The following BRCA2 variants were observed in gnomAD, a reference collection of about 807,000 sequenced individuals.
BRCA2 encodes BRCA2 DNA repair associated, also known as breast cancer type 2 susceptibility protein.
In BRCA2, 203 loss-of-function variants were observed where a neutral mutation model predicts 276.7. The ratio of observed to expected loss-of-function variants is 0.73; its 90% CI spans 0.65 to 0.82. BRCA2 has a LOEUF of 0.82. BRCA2 is among the 40% of genes least tolerant of loss of function. The pLI is 0.00. For missense variants in BRCA2, 3,920 were observed against 3,915.0 expected (o/e 1.00, Z -0.03); for synonymous variants, 1,289 against 1,338.4 (o/e 0.96, Z 0.81).
At chr13:32,363,094 A>C (rs2072752234) in intron 17 of BRCA2, 85 bp from the exon 18 acceptor site, 4 of 1,147,392 alleles carry the variant, frequency 3.5e-6, no homozygotes, top group Non-Finnish European at 1.3e-6. Flanking sequence ...TTCAGTTTTT[A>C]TTCTCAGTTA....
intron 24 of BRCA2, among the ~76,000 whole-genome samples, 176 bp from the exon 25 acceptor site, chr13:32,394,513 T>C (rs1373210406): frequency 6.6e-6 from 1 of 152,258 alleles, no homozygotes; most frequent in Non-Finnish European, 1.5e-5. Flanking sequence ...ATTTTAGCAC[T>C]GTAAGCAACA....
At chr13:32,329,948 A>G (rs1445311284) in intron 8 of BRCA2, among the ~76,000 whole-genome samples, 2 of 152,230 alleles carry the variant, frequency 1.3e-5, no homozygotes, top group African/African-American at 2.4e-5. Context: ...AATAAAAGTT[A>G]TGTGAATGTT....
chr13:32,352,008 A>G (rs999335276), intron 13 of BRCA2, among the ~76,000 whole-genome samples: 1 of 152,034 alleles, frequency 6.6e-6, no homozygotes, highest in African/African-American at 2.4e-5. Flanking sequence ...TCACCGTGTT[A>G]GCCAGGATGG....
At chr13:32,333,427 T>G (rs766860101) in intron 10 of BRCA2, 40 bp downstream of exon 10, 1 of 1,577,802 alleles carries the variant, frequency 6.3e-7, no homozygotes, top group Non-Finnish European at 8.6e-7. Context: ...GTACATATAG[T>G]TTTATAGATG....
intron 14 of BRCA2, 89 bp from the exon 15 acceptor site, chr13:32,356,339 G>T (rs577071129): frequency 7.5e-7 from 1 of 1,342,242 alleles, no homozygotes. Context: ...CAAAGTGCTG[G>T]GATTACAGGC....
At chr13:32,376,933 A>G (rs11571759) in intron 21 of BRCA2, 142 bp downstream of exon 21, 775 of 1,233,984 alleles carry the variant, frequency 6.3e-4, no homozygotes, top group Non-Finnish European at 5.9e-4. Context: ...TGGGATTTTC[A>G]GTGATGTGCC....
At chr13:32,346,995 A>G in intron 13 of BRCA2, 99 bp downstream of exon 13, 1 of 845,594 alleles carries the variant, frequency 1.2e-6, no homozygotes, top group Admixed American at 2.6e-5. Context: ...TAACGTTAAG[A>G]AGTTAACACT....
intron 18 of BRCA2, among the ~76,000 whole-genome samples, chr13:32,369,621 T>A (rs933375580): frequency 1.2e-4 from 18 of 152,326 alleles, no homozygotes; most frequent in African/African-American, 4.3e-4. Context: ...TCCCCCAGGC[T>A]GGAGTGCAGT....
Position 32,344,643 on chromosome 13 carries a change from C to T in BRCA2, c.6927C>T (p.Ser2309=), listed in dbSNP as rs755086348. Residue 2309 remains serine (S), a synonymous_variant, in exon 12 of 27, where the codon AGC becomes AGT. Coordinates refer to ENST00000380152, the MANE Select transcript of BRCA2 (RefSeq NM_000059.4). ...NQEKSLKASK[S]TPDGTIKDRR... The stretch of plus-strand genomic sequence containing the variant: ...AAAAATCCTTAAAGGCTTCAAAAAG[C>T]ACTCCAGATGGTAAAATTAGCTTTT... 1 of 1,566,124 alleles carries T rather than the reference C, an allele frequency of 6.4e-7. No individual in the cohort carries two copies. The highest frequency in any genetic ancestry group is 8.8e-7 in the Non-Finnish European group (1 of 1,137,038).
At position 32,379,987 on chromosome 13, in the gene BRCA2, T is replaced by C; in HGVS notation, c.9118-20T>C. 1 of 1,613,874 alleles carries C rather than the reference T, an allele frequency of 6.2e-7. No individual in the cohort carries two copies. Among genetic ancestry groups the C allele is most frequent in the South Asian group, 1.1e-5 (1 of 91,076 alleles). ...TTTATGGAATCTCCATATGTTGAATTTTTGTTTTGTTTTCTGTAGGTTTCA... is the reference window on the plus strand; with the variant it reads ...TTTATGGAATCTCCATATGTTGAATCTTTGTTTTGTTTTCTGTAGGTTTCA... On this transcript the variant is annotated intron_variant, in intron 23 of 26. Transcript: ENST00000380152.
Position 32,379,956 on chromosome 13 carries a change from T to C in BRCA2, c.9117+43T>C, listed in dbSNP as rs754476723. On this transcript the variant is annotated intron_variant, in intron 23 of 26. Transcript: ENST00000380152. ...TAATTTTTCAGTTTTGATAAGTGCT[T>C]GTTAGTTTATGGAATCTCCATATGT... is the stretch of plus-strand genomic sequence containing the variant. 16 of 1,612,876 alleles carry C rather than the reference T, an allele frequency of 9.9e-6. No individual in the cohort carries two copies. The Admixed American group carries it at 2.7e-4, about 27-fold the overall frequency.
rs1555281787 is a variant in BRCA2 at position 32,332,712 on chromosome 13, C to G, written c.1234C>G (p.Pro412Ala). ...GLNGAQMEKI[P>A]LLHISSCDQN... The stretch of plus-strand genomic sequence containing the variant: ...AAATGGAGCCCAGATGGAGAAAATA[C>G]CCCTATTGCATATTTCTTCATGTGA... Residue 412 changes from proline to alanine, a missense_variant, in exon 10 of 27, where the codon CCC (proline) becomes GCC (alanine). Coordinates refer to ENST00000380152, the MANE Select transcript of BRCA2 (RefSeq NM_000059.4). 1 of 1,613,564 alleles carries G rather than the reference C, an allele frequency of 6.2e-7. No homozygotes were observed.
chr13:32,383,142 C>T (rs947900948), intron 24 of BRCA2, among the ~76,000 whole-genome samples: 2 of 152,142 alleles, frequency 1.3e-5, no homozygotes, highest in South Asian at 2.1e-4. Context: ...GGGTGGATCA[C>T]GAGGTCAGGA....
chr13:32,387,375 G>A (rs540071897), intron 24 of BRCA2, among the ~76,000 whole-genome samples: 2 of 152,274 alleles, frequency 1.3e-5, no homozygotes, highest in Admixed American at 1.3e-4. Flanking sequence ...ATAGGGTGAG[G>A]TGCTGAAGGG....
chr13:32,386,481 G>T (rs1188460772), intron 24 of BRCA2, among the ~76,000 whole-genome samples: 2 of 151,768 alleles, frequency 1.3e-5, no homozygotes, highest in African/African-American at 4.8e-5. Context: ...TCACTGTAAT[G>T]ATGTAATTAT....
Position 32,339,682 on chromosome 13 carries a change from T to G in BRCA2, c.5327T>G (p.Leu1776Trp), listed in dbSNP as rs1566232213. The G allele has an allele frequency of 1.2e-6, 2 of 1,612,402 alleles. No individual in the cohort carries two copies. Among genetic ancestry groups the G allele is most frequent in the African/African-American group, 1.3e-5 (1 of 74,970 alleles). ...CTTGATTCTGGTATTGAGCCAGTAT[T>G]GAAGAATGTTGAAGATCAAAAAAAC... ...NKLDSGIEPV[L>W]KNVEDQKNTS... The change falls in exon 11 of 27, where the codon TTG becomes TGG. Residue 1776 changes from leucine to tryptophan, a missense_variant. By Grantham distance (61) the Leu-to-Trp change is moderately conservative (BLOSUM62 -2). Around this residue, in one of 2 missense-constraint regions of BRCA2, gnomAD observed 3,263 missense variants for 3,156.9 expected, o/e 1.03. Coordinates refer to ENST00000380152, the MANE Select transcript of BRCA2 (RefSeq NM_000059.4).
chr13:32,340,316 G>T lies in BRCA2; in HGVS notation c.5961G>T (p.Gln1987His), dbSNP rs387907575. The change falls in exon 11 of 27, where the codon CAG becomes CAT. Residue 1987 changes from glutamine to histidine, a missense_variant. Gln to His is a conservative substitution (Grantham distance 24). Coordinates refer to ENST00000380152, the MANE Select transcript of BRCA2 (RefSeq NM_000059.4). ...GCACAGCAAGTGGAAAATCTGTCCA[G>T]GTATCAGATGCTTCATTACAAAACG... ...IFSTASGKSV[Q>H]VSDASLQNAR... 2 of 1,613,984 alleles carry T rather than the reference G, an allele frequency of 1.2e-6. No homozygotes were observed. The highest frequency in any genetic ancestry group is 3.3e-5 in the Admixed American group (2 of 60,018).
rs80358711 is a variant in BRCA2, at chr13:32,339,244, C to G, written c.4889C>G (p.Ser1630Ter). Residue 1630 changes from serine (S) to a stop codon, truncating the protein, a stop_gained, in exon 11 of 27, where the codon TCA becomes TGA. Coordinates refer to ENST00000380152, the MANE Select transcript of BRCA2 (RefSeq NM_000059.4). LOFTEE classifies it high-confidence loss of function. ...LCRQTENLKT[S>*]KSIFLKVKVH... is the part of the protein sequence containing the mutation. ...AGACAAACTGAAAATCTCAAAACAT[C>G]AAAAAGTATCTTTTTGAAAGTTAAA... The G allele has an allele frequency of 3.1e-6, 5 of 1,612,346 alleles. No homozygotes were observed. The highest frequency in any genetic ancestry group is 4.2e-6 in the Non-Finnish European group (5 of 1,179,452).
At chr13:32,330,873 C>T (rs2137460858) in intron 8 of BRCA2, 46 bp from the exon 9 acceptor site, 2 of 1,130,196 alleles carry the variant, frequency 1.8e-6, no homozygotes, top group Non-Finnish European at 2.7e-6. Flanking sequence ...ACTATATGTG[C>T]ATTGAGAGTT....
Sources: gnomAD v4.1 joint callset for allele counts (sites outside exome capture counted in the v4.1 genomes callset) on GRCh38, gnomAD v4.1.1 for gene constraint, gnomAD v4.1.1 regional missense constraint, MANE v1.5 for transcripts, NCBI Gene and HGNC (gene_info 2026-07-23, HGNC 2026-07-21) for gene names.